The following STAB2 variants were observed in gnomAD, a reference collection of about 807,000 sequenced individuals.
STAB2 encodes the protein stabilin-2.
STAB2 carries 288 observed loss-of-function variants against 338.1 expected under a neutral mutation model. The observed-to-expected ratio is 0.85, with a 90% CI of 0.77 to 0.94. The LOEUF (loss-of-function observed/expected upper bound fraction) is 0.94. Among genes scored for constraint, STAB2 ranks in the 40% least tolerant of loss-of-function variants. The pLI is 0.00. For missense variants in STAB2, 3,141 were observed against 3,210.1 expected (o/e 0.98, Z 0.52); for synonymous variants, 1,202 against 1,193.3 (o/e 1.01, Z -0.15).
chr12:103,652,598 G>C lies in STAB2; in HGVS notation c.1300G>C (p.Val434Leu). ...LVDNKAAQYFVKLHIIAGQMN... is the reference protein window; with the variant it reads ...LVDNKAAQYFLKLHIIAGQMN... ...GGATAATAAAGCTGCTCAATACTTT[G>C]TGAAACTCCACATAATTGCTGGTCA... The change falls in exon 12 of 69, where the codon GTG (valine) becomes CTG (leucine). Residue 434 changes from valine to leucine, a missense_variant. Transcript: ENST00000388887. 1 of 1,608,234 alleles carries C rather than the reference G, an allele frequency of 6.2e-7. No individual in the cohort carries two copies. Among genetic ancestry groups the C allele is most frequent in the Non-Finnish European group, 8.5e-7 (1 of 1,177,572 alleles).
chr12:103,731,981 G>A lies in STAB2; in HGVS notation c.5283+346G>A, dbSNP rs911030404. Among the ~76,000 whole-genome samples the A allele has an allele frequency of 2.0e-5, 3 of 152,284 alleles. No homozygotes were observed. The South Asian group carries it at 6.2e-4, about 32-fold the overall frequency. On this transcript the variant is annotated intron_variant, in intron 50 of 68. Transcript: ENST00000388887. The stretch of plus-strand genomic sequence containing the variant: ...TGGGGAATTTGCATGGGAGAGTTGG[G>A]AACTCTATGCCTGTGAGGCAGGTAG...
At position 103,749,439 on chromosome 12, in the gene STAB2, T is replaced by C. The variant is rs367967374; in HGVS notation, c.6438+283T>C. On this transcript the variant is annotated intron_variant, in intron 59 of 68. Transcript: ENST00000388887. ...CTCTGACTAATGTGCTATAGTTATG[T>C]TGGACATCAGGGGAAAGTGGGTAGA... 6.6e-5 allele frequency among the ~76,000 whole-genome samples: 10 copies of C among 152,254 alleles called. No homozygotes were observed. The East Asian group carries it at 1.4e-3, about 21-fold the overall frequency.
chr12:103,632,030 A>ACTT (rs1957471745), intron 6 of STAB2, among the ~76,000 whole-genome samples: 1 of 152,156 alleles, frequency 6.6e-6, no homozygotes, highest in Admixed American at 6.5e-5. Context: ...TGAGTCACCT[A>ACTT]GTAAAGGAGA....
chr12:103,695,474 T>G, intron 31 of STAB2, 76 bp from the exon 32 acceptor site: 1 of 1,385,306 alleles, frequency 7.2e-7, no homozygotes, highest in Non-Finnish European at 1.0e-6. Flanking sequence ...TTAATGGCAT[T>G]AGACTCTCCT....
intron 3 of STAB2, among the ~76,000 whole-genome samples, chr12:103,603,613 T>G (rs796975534): frequency 1.3e-5 from 2 of 152,222 alleles, no homozygotes; most frequent in South Asian, 4.1e-4. Context: ...TCTTGATTAC[T>G]ATGGTGTTAC....
chr12:103,713,092 C>T (rs1053663449), intron 41 of STAB2, among the ~76,000 whole-genome samples: 2 of 152,196 alleles, frequency 1.3e-5, no homozygotes, highest in Non-Finnish European at 1.5e-5. Flanking sequence ...CTTGACTGCT[C>T]TTTGCATTAT....
intron 25 of STAB2, among the ~76,000 whole-genome samples, 196 bp downstream of exon 25, chr12:103,677,807 C>T (rs772255590): frequency 5.3e-5 from 8 of 152,182 alleles, no homozygotes; most frequent in Non-Finnish European, 1.2e-4. Context: ...GAAATTGAGG[C>T]AATGAGAAGC....
intron 61 of STAB2, 22 bp from the exon 62 acceptor site, chr12:103,755,280 G>A: frequency 6.2e-7 from 1 of 1,611,230 alleles, no homozygotes; most frequent in Non-Finnish European, 8.5e-7. Context: ...GCTGACCCAT[G>A]GCCCTGTCTG....
chr12:103,745,356 A>G (rs765743170), intron 57 of STAB2, 79 bp downstream of exon 57: 5 of 1,295,954 alleles, frequency 3.9e-6, no homozygotes, highest in Non-Finnish European at 4.2e-6. Context: ...TGAGGTTGGG[A>G]GTCTGAGTGA....
intron 23 of STAB2, 45 bp from the exon 24 acceptor site, chr12:103,675,883 G>T: frequency 6.6e-7 from 1 of 1,515,520 alleles, no homozygotes; most frequent in Non-Finnish European, 9.1e-7. Context: ...CTTCTGGGTC[G>T]TTGGTGCTTA....
In STAB2 at chr12:103,622,059, A is replaced by G. The variant is rs1189813682; in HGVS notation, c.435A>G (p.Thr145=). 1 of 1,614,246 alleles carries G rather than the reference A, an allele frequency of 6.2e-7. No homozygotes were observed. The highest frequency in any genetic ancestry group is 8.5e-7 in the Non-Finnish European group (1 of 1,180,040). ...TTTTGCAGGAAGGGTTTGGTGGAAC[A>G]GCCTGTGAAACCTGTGCTGACGACA... ...TCSCQEGFGG[T]ACETCADDNL... The change falls in exon 5 of 69, where the codon ACA becomes ACG. Residue 145 remains threonine (T), a synonymous_variant. Transcript: ENST00000388887.
At chr12:103,757,930 C>T in intron 63 of STAB2, 1 of 544,324 alleles carries the variant, frequency 1.8e-6, no homozygotes, top group Non-Finnish European at 3.2e-6. Flanking sequence ...GCTGCTCAAG[C>T]AGCCACGTGG....
intron 55 of STAB2, among the ~76,000 whole-genome samples, chr12:103,741,956 T>A (rs897546880): frequency 6.6e-6 from 1 of 152,202 alleles, no homozygotes; most frequent in Non-Finnish European, 1.5e-5. Context: ...TGTGGACCAT[T>A]CATGAAAATC....
At chr12:103,761,651 G>A (rs368821848) in intron 66 of STAB2, among the ~76,000 whole-genome samples, 5 of 152,220 alleles carry the variant, frequency 3.3e-5, no homozygotes, top group African/African-American at 1.2e-4. Context: ...ATGAAAGGGG[G>A]AGGATGGGCC....
intron 3 of STAB2, 86 bp from the exon 4 acceptor site, chr12:103,620,382 C>A: frequency 8.1e-7 from 1 of 1,242,024 alleles, no homozygotes; most frequent in Non-Finnish European, 1.1e-6. Context: ...TGGCAACTAG[C>A]ACACTTAGTA....
chr12:103,721,227 T>C (rs1593282186), intron 44 of STAB2, among the ~76,000 whole-genome samples: 1 of 152,164 alleles, frequency 6.6e-6, no homozygotes, highest in Admixed American at 6.5e-5. Flanking sequence ...GGAAGGGTCG[T>C]AGTGATCAGA....
At position 103,749,097 on chromosome 12, in the gene STAB2, TGTGC is replaced by T. The variant is rs774438269; in HGVS notation, c.6380_6383del (p.Cys2127Ter). 8 of 1,613,912 alleles carry T rather than the reference TGTGC, an allele frequency of 5.0e-6. No homozygotes were observed. In the South Asian group the frequency reaches 8.8e-5, roughly 18 times the overall value. ...GCACAGCTGCACAGAGATAGACCCC[TGTGC>T]AGACGGCCTTAACGGAGGGTGTCAC... On this transcript the variant is annotated frameshift_variant, in exon 59 of 69. Transcript: ENST00000388887. LOFTEE classifies it high-confidence loss of function.
chr12:103,755,286 G>A lies in STAB2; in HGVS notation c.6715-16G>A, dbSNP rs1164292888. Reference sequence around the variant, plus strand: ...GAACTTGCAGCTGACCCATGGCCCTGTCTGTATCCCTGCAGGCCAAGTACC... The same window carrying A: ...GAACTTGCAGCTGACCCATGGCCCTATCTGTATCCCTGCAGGCCAAGTACC... On this transcript the variant is annotated splice_polypyrimidine_tract_variant and intron_variant, in intron 61 of 68. Coordinates refer to ENST00000388887, the MANE Select transcript of STAB2 (RefSeq NM_017564.10). 1 of 1,612,910 alleles carries A rather than the reference G, an allele frequency of 6.2e-7. No individual in the cohort carries two copies. The highest frequency in any genetic ancestry group is 2.2e-5 in the East Asian group (1 of 44,846).
intron 59 of STAB2, among the ~76,000 whole-genome samples, chr12:103,749,711 G>A (rs2139172275): frequency 6.6e-6 from 1 of 151,432 alleles, no homozygotes; most frequent in South Asian, 2.1e-4. Flanking sequence ...ATGGTGGCGG[G>A]CACCTGTAGT....
Sources: gnomAD v4.1 joint callset for allele counts (sites outside exome capture counted in the v4.1 genomes callset) on GRCh38, gnomAD v4.1.1 for gene constraint, MANE v1.5 for transcripts, NCBI Gene and HGNC (gene_info 2026-07-23, HGNC 2026-07-21) for gene names.